The following PDE4D variants were observed in gnomAD, a reference collection of about 807,000 sequenced individuals.
PDE4D encodes the protein phosphodiesterase 4D.
In PDE4D, 24 loss-of-function variants were observed where a neutral mutation model predicts 87.4. The observed-to-expected ratio is 0.27, with a 90% CI of 0.20 to 0.39. PDE4D has a LOEUF of 0.39. Ranked by LOEUF, PDE4D falls within the 10% of genes least tolerant of loss-of-function variation. The pLI, the probability that PDE4D is intolerant of heterozygous loss-of-function variation, is 1.00. For synonymous variants in PDE4D, 384 were observed against 383.2 expected (o/e 1.00, Z -0.02); for missense variants, 714 against 1,041.0 (o/e 0.69, Z 4.32).
At chr5:59,152,840 T>C (rs1779648428) in intron 5 of PDE4D, among the ~76,000 whole-genome samples, 1 of 152,152 alleles carries the variant, frequency 6.6e-6, no homozygotes, top group Non-Finnish European at 1.5e-5. Context: ...CAGGGGCTGG[T>C]GTTGAGTGCT....
intron 1 of PDE4D, among the ~76,000 whole-genome samples, chr5:59,636,552 A>T (rs1307995669): frequency 6.6e-6 from 1 of 152,226 alleles, no homozygotes; most frequent in Admixed American, 6.5e-5. Flanking sequence ...GTACCAAAAC[A>T]GGTATATAGA....
chr5:59,599,588 T>A (rs1827209195), intron 1 of PDE4D, among the ~76,000 whole-genome samples: 2 of 152,178 alleles, frequency 1.3e-5, no homozygotes, highest in Admixed American at 1.3e-4. Context: ...TGGGTACTGT[T>A]AGGCAATAGA....
intron 1 of PDE4D, among the ~76,000 whole-genome samples, chr5:60,298,227 A>AT (rs1338486615): frequency 6.6e-6 from 1 of 152,110 alleles, no homozygotes; most frequent in Non-Finnish European, 1.5e-5. Flanking sequence ...TAAGCATGTT[A>AT]TTTTTCCTCA....
intron 3 of PDE4D, among the ~76,000 whole-genome samples, chr5:59,943,728 A>G (rs1014630507): frequency 1.3e-5 from 2 of 152,156 alleles, no homozygotes; most frequent in Non-Finnish European, 2.9e-5. Flanking sequence ...TCTCTCCTGA[A>G]TCTGGTTCTG....
chr5:60,447,568 T>A (rs1264066273), intron 1 of PDE4D, among the ~76,000 whole-genome samples: 1 of 151,342 alleles, frequency 6.6e-6, no homozygotes, highest in African/African-American at 2.4e-5. Flanking sequence ...AGAAAACAAA[T>A]ACCCACACAA....
At chr5:59,764,650 CCTTTT>C (rs1762558867) in intron 1 of PDE4D, among the ~76,000 whole-genome samples, 1 of 142,764 alleles carries the variant, frequency 7.0e-6, no homozygotes, top group Non-Finnish European at 1.5e-5. Context: ...AAGAGAAGTC[CCTTTT>C]TTTTTTTTTT....
At position 59,742,842 on chromosome 5, in the gene PDE4D, C is replaced by T. The variant is rs1281823197; in HGVS notation, c.455+150326G>A. On this transcript the variant is annotated intron_variant, in intron 1 of 14. Transcript: ENST00000340635. ...ACATTTCTTTATATTTACTCTTCCC[C>T]CAAAAAAGAATGAGTGGGAAACATA... Among the ~76,000 whole-genome samples, 8 of 152,002 alleles carry T rather than the reference C, an allele frequency of 5.3e-5. No homozygotes were observed. In the East Asian group the frequency reaches 1.5e-3, roughly 29 times the overall value.
intron 1 of PDE4D, among the ~76,000 whole-genome samples, chr5:59,658,571 T>C (rs148740121): frequency 0.024 from 3,701 of 152,134 alleles, 126 homozygotes; most frequent in African/African-American, 0.074. Context: ...TTAGTAGAGA[T>C]GGGGTTTCAC....
At chr5:59,326,959 C>T (rs972721795) in intron 1 of PDE4D, among the ~76,000 whole-genome samples, 1 of 152,072 alleles carries the variant, frequency 6.6e-6, no homozygotes, top group African/African-American at 2.4e-5. Flanking sequence ...ATAAATATTT[C>T]TGAAGCATTT....
chr5:59,081,300 C>T (rs1766706510), intron 5 of PDE4D, among the ~76,000 whole-genome samples: 1 of 151,872 alleles, frequency 6.6e-6, no homozygotes, highest in African/African-American at 2.4e-5. Flanking sequence ...CGGTTACTGC[C>T]GTTCCTTATT....
chr5:59,623,855 ACTTTC>A (rs1205239088), intron 1 of PDE4D, among the ~76,000 whole-genome samples: 6 of 152,218 alleles, frequency 3.9e-5, no homozygotes, highest in Admixed American at 3.9e-4. Context: ...ACATTACCTC[ACTTTC>A]CTTTACTGTC....
chr5:60,344,406 G>T (rs765886912), intron 1 of PDE4D, among the ~76,000 whole-genome samples: 1 of 151,846 alleles, frequency 6.6e-6, no homozygotes, highest in Non-Finnish European at 1.5e-5. Context: ...GTAACAAAGT[G>T]AATATATCAT....
At chr5:59,548,314 A>T (rs1158832720) in intron 1 of PDE4D, among the ~76,000 whole-genome samples, 1 of 152,076 alleles carries the variant, frequency 6.6e-6, no homozygotes, top group Non-Finnish European at 1.5e-5. Context: ...TTGCTTACTT[A>T]CTCTTTGCTA....
intron 5 of PDE4D, among the ~76,000 whole-genome samples, chr5:59,069,114 T>G (rs1216090662): frequency 6.6e-6 from 1 of 152,228 alleles, no homozygotes; most frequent in Non-Finnish European, 1.5e-5. Flanking sequence ...CCTAAAGTTA[T>G]CTAAATAATC....
Position 59,893,605 on chromosome 5 carries a change from G to A in PDE4D, c.18C>T (p.Ser6=). Residue 6 remains serine, a synonymous_variant, in exon 1 of 15, where the codon AGC becomes AGT. Transcript: ENST00000340635. MEAEG[S]SAPARAGSGE... ...CGCTGCCCGCCCGGGCCGGCGCGCTGCTGCCCTCTGCCTCCATCCTGGCTC... is the reference window on the plus strand; with the variant it reads ...CGCTGCCCGCCCGGGCCGGCGCGCTACTGCCCTCTGCCTCCATCCTGGCTC... 6.6e-7 allele frequency: 1 copy of A among 1,514,120 alleles called. No individual in the cohort carries two copies. Among genetic ancestry groups the A allele is most frequent in the Non-Finnish European group, 8.8e-7 (1 of 1,132,926 alleles). 93.8% of individuals were successfully genotyped at this position (1,514,120 alleles called of 1,614,324 possible). A position where few individuals can be genotyped will look rare whatever the true frequency, so the allele number is the denominator to read the frequency against.
chr5:60,146,591 G>A (rs955612597), intron 2 of PDE4D, among the ~76,000 whole-genome samples: 2 of 152,076 alleles, frequency 1.3e-5, no homozygotes, highest in Non-Finnish European at 2.9e-5. Flanking sequence ...CAATACAAAG[G>A]TGTATTAAGA....
chr5:58,994,093 T>C (rs544752636), intron 6 of PDE4D, among the ~76,000 whole-genome samples: 1 of 152,220 alleles, frequency 6.6e-6, no homozygotes, highest in Non-Finnish European at 1.5e-5. Context: ...AAATAAATAC[T>C]GTATAATGTT....
chr5:59,656,583 A>G (rs1744397604), intron 1 of PDE4D, among the ~76,000 whole-genome samples: 1 of 152,182 alleles, frequency 6.6e-6, no homozygotes, highest in African/African-American at 2.4e-5. Flanking sequence ...AATCTAAACC[A>G]CAGGCAGGAT....
At chr5:60,253,504 T>C (rs1447980785) in intron 1 of PDE4D, among the ~76,000 whole-genome samples, 1 of 151,884 alleles carries the variant, frequency 6.6e-6, no homozygotes, top group Admixed American at 6.6e-5. Flanking sequence ...TATTAGGTTG[T>C]CCCTTTTTGA....
Sources: allele counts gnomAD v4.1 joint callset (sites outside exome capture counted in the v4.1 genomes callset), GRCh38; gene constraint gnomAD v4.1.1; transcripts MANE v1.5; gene names NCBI Gene and HGNC (gene_info 2026-07-23, HGNC 2026-07-21).